Variants in LEKR1 observed in about 807,000 individuals in gnomAD.
The protein encoded by LEKR1 is protein LEKR1.
LEKR1 carries 59 observed loss-of-function variants against 72.4 expected under a neutral mutation model. The ratio of observed to expected loss-of-function variants is 0.82; its 90% CI spans 0.66 to 1.01. The LOEUF (loss-of-function observed/expected upper bound fraction) is 1.01. Ranked by LOEUF, LEKR1 falls within the 50% of genes least tolerant of loss-of-function variation. LEKR1 has a pLI of 0.00. For missense variants in LEKR1, 728 were observed against 759.2 expected, an observed-to-expected ratio of 0.96 and a Z score of 0.48; for synonymous variants, 257 against 263.2, an observed-to-expected ratio of 0.98 and a Z score of 0.23.
At chr3:156,894,073 A>C (rs906443956) in intron 3 of LEKR1, among the ~76,000 whole-genome samples, 7 of 152,360 alleles carry the variant, frequency 4.6e-5, no homozygotes, top group African/African-American at 9.6e-5. Context: ...CAATCACCTG[A>C]AACAGTGTGT....
At chr3:156,982,200 T>A (rs1730259480) in intron 7 of LEKR1, among the ~76,000 whole-genome samples, 1 of 152,152 alleles carries the variant, frequency 6.6e-6, no homozygotes. Flanking sequence ...TAATGTCAGT[T>A]TTAGTTGATA....
chr3:156,967,662 A>C (rs1413542956), intron 6 of LEKR1, among the ~76,000 whole-genome samples: 8 of 152,242 alleles, frequency 5.3e-5, no homozygotes, highest in Non-Finnish European at 1.2e-4. Context: ...GTGTACCTGA[A>C]AGTGATGGGG....
intron 2 of LEKR1, among the ~76,000 whole-genome samples, chr3:156,848,012 T>G (rs1714841762): frequency 1.3e-5 from 2 of 152,360 alleles, no homozygotes; most frequent in Admixed American, 1.3e-4. Context: ...ATCAAGAGTT[T>G]TCTTTAGAAT....
At chr3:156,885,693 G>A (rs1463844456) in intron 3 of LEKR1, among the ~76,000 whole-genome samples, 2 of 152,250 alleles carry the variant, frequency 1.3e-5, no homozygotes, top group African/African-American at 2.4e-5. Flanking sequence ...TAGACCCTAT[G>A]AGAGTTCGTG....
chr3:156,898,813 C>T (rs1020658653), intron 3 of LEKR1, among the ~76,000 whole-genome samples: 1 of 152,092 alleles, frequency 6.6e-6, no homozygotes, highest in Admixed American at 6.5e-5. Flanking sequence ...GGCAAAGAAA[C>T]TGCTAAAACA....
At chr3:156,950,905 C>A (rs568142056) in intron 6 of LEKR1, among the ~76,000 whole-genome samples, 37 of 151,350 alleles carry the variant, frequency 2.4e-4, no homozygotes, top group African/African-American at 6.3e-4. Context: ...AATGCTATAT[C>A]GAGTAGGAGT....
chr3:157,044,278 G>A (rs1735582095), intron 12 of LEKR1, among the ~76,000 whole-genome samples: 1 of 152,148 alleles, frequency 6.6e-6, no homozygotes, highest in Non-Finnish European at 1.5e-5. Context: ...TTACTTTTCA[G>A]CCTCATTTTT....
intron 5 of LEKR1, among the ~76,000 whole-genome samples, chr3:156,931,482 T>G (rs1170806056): frequency 6.6e-6 from 1 of 152,130 alleles, no homozygotes; most frequent in Non-Finnish European, 1.5e-5. Context: ...TCCCTGAAAT[T>G]CCACCCTTTG....
At chr3:156,913,812 T>A (rs1000993993) in intron 3 of LEKR1, among the ~76,000 whole-genome samples, 3 of 152,210 alleles carry the variant, frequency 2.0e-5, no homozygotes, top group Admixed American at 1.3e-4. Flanking sequence ...CATCCCAGAA[T>A]AAATCTTGTC....
chr3:156,875,441 A>G (rs1021283935), intron 3 of LEKR1, among the ~76,000 whole-genome samples: 2 of 152,096 alleles, frequency 1.3e-5, no homozygotes, highest in Non-Finnish European at 2.9e-5. Context: ...TGTTGGATGC[A>G]TAGTTTATGA....
At chr3:156,889,179 G>T (rs1720403868) in intron 3 of LEKR1, among the ~76,000 whole-genome samples, 1 of 151,970 alleles carries the variant, frequency 6.6e-6, no homozygotes, top group African/African-American at 2.4e-5. Flanking sequence ...ATATTTGCCT[G>T]ATGTTATATG....
intron 6 of LEKR1, among the ~76,000 whole-genome samples, chr3:156,976,295 TTAAGA>T (rs1358582001): frequency 6.6e-6 from 1 of 152,194 alleles, no homozygotes; most frequent in African/African-American, 2.4e-5. Context: ...GAAGTTCATT[TTAAGA>T]TAAGTCTTCC....
chr3:156,876,696 A>G (rs1175168542), intron 3 of LEKR1, among the ~76,000 whole-genome samples: 1 of 152,162 alleles, frequency 6.6e-6, no homozygotes, highest in Non-Finnish European at 1.5e-5. Context: ...TACTGAACTC[A>G]TTTATCAGAT....
In LEKR1 at chr3:156,939,019, G is replaced by T. The variant is rs982235414; in HGVS notation, c.560-3510G>T. Among the ~76,000 whole-genome samples, 6 of 152,312 alleles carry T rather than the reference G, an allele frequency of 3.9e-5. No homozygotes were observed. In the East Asian group the frequency reaches 9.6e-4, roughly 24 times the overall value. On this transcript the variant is annotated intron_variant, in intron 5 of 12. Transcript: ENST00000356539. ...CACTTATTCTAAAAGCTAAAAGCAT[G>T]TATTGGCTATAAATTTTGATAATAG... is the stretch of plus-strand genomic sequence containing the variant.
At chr3:156,937,362 G>C (rs1725813159) in intron 5 of LEKR1, among the ~76,000 whole-genome samples, 1 of 152,096 alleles carries the variant, frequency 6.6e-6, no homozygotes, top group Non-Finnish European at 1.5e-5. Context: ...ATAGGCAAAA[G>C]ATATCAGTAG....
chr3:156,900,195 C>G (rs1180175842), intron 3 of LEKR1, among the ~76,000 whole-genome samples: 3 of 152,038 alleles, frequency 2.0e-5, no homozygotes, highest in African/African-American at 7.2e-5. Flanking sequence ...GAATGTGGGT[C>G]CATTGTTTTT....
At chr3:156,944,468 G>A (rs1726508124) in intron 6 of LEKR1, among the ~76,000 whole-genome samples, 1 of 151,358 alleles carries the variant, frequency 6.6e-6, no homozygotes, top group Non-Finnish European at 1.5e-5. Context: ...GTTGACTGTG[G>A]TTACCCTGTT....
At chr3:156,861,836 A>C (rs13317783) in intron 3 of LEKR1, among the ~76,000 whole-genome samples, 3,673 of 152,106 alleles carry the variant, frequency 0.024, 162 homozygotes, top group African/African-American at 0.084. Flanking sequence ...ATGTAGATCT[A>C]AGATCAGCTA....
At chr3:156,848,512 A>T (rs748968795) in intron 2 of LEKR1, among the ~76,000 whole-genome samples, 29 of 152,198 alleles carry the variant, frequency 1.9e-4, no homozygotes, top group Non-Finnish European at 4.4e-5. Context: ...AGATCCAGGA[A>T]CCATATTAGG....
Sources: allele counts gnomAD v4.1 joint callset (sites outside exome capture counted in the v4.1 genomes callset), GRCh38; gene constraint gnomAD v4.1.1; transcripts MANE v1.5; gene names NCBI Gene and HGNC (gene_info 2026-07-23, HGNC 2026-07-21).